DCDC2: variants seen among roughly 807,000 people sequenced by gnomAD.
The protein encoded by DCDC2 is doublecortin domain containing 2.
In DCDC2, 40 loss-of-function variants were observed where a neutral mutation model predicts 50.2. The ratio of observed to expected loss-of-function variants is 0.80; its 90% CI spans 0.62 to 1.04. The LOEUF is 1.04. DCDC2 is among the 50% of genes least tolerant of loss of function. The pLI is 0.00. For synonymous variants in DCDC2, 234 were observed against 210.6 expected, an observed-to-expected ratio of 1.11 and a Z score of -0.96; for missense variants, 570 against 581.9, an observed-to-expected ratio of 0.98 and a Z score of 0.21.
At chr6:24,301,370 CA>C (rs59055669) in intron 4 of DCDC2, among the ~76,000 whole-genome samples, 7 of 64,092 alleles carry the variant, frequency 1.1e-4, no homozygotes, top group African/African-American at 3.7e-4. Context: ...GGCTCCATCT[CA>C]AAAAAAAAAA....
chr6:24,184,793 T>C (rs373982737), intron 8 of DCDC2, among the ~76,000 whole-genome samples: 1 of 152,216 alleles, frequency 6.6e-6, no homozygotes, highest in Non-Finnish European at 1.5e-5. Flanking sequence ...TGGATAATTA[T>C]ACATCACTCT....
chr6:24,322,593 GCTAT>G (rs1399464782), intron 2 of DCDC2, among the ~76,000 whole-genome samples: 14 of 150,270 alleles, frequency 9.3e-5, no homozygotes, highest in Non-Finnish European at 1.9e-4. Flanking sequence ...TCTGAAGTCT[GCTAT>G]CTGAGAGCTT....
chr6:24,382,358 TAAGTA>T, the DCDC2 span, among the ~76,000 whole-genome samples: 1 of 152,100 alleles, frequency 6.6e-6, no homozygotes, highest in Non-Finnish European at 1.5e-5. Flanking sequence ...GCATAATCAC[TAAGTA>T]AACAGGTATA....
chr6:24,321,919 T>C (rs972166560), intron 2 of DCDC2, among the ~76,000 whole-genome samples: 5 of 152,010 alleles, frequency 3.3e-5, no homozygotes, highest in Admixed American at 6.6e-5. Flanking sequence ...GCCCTCTTTC[T>C]TGAAGACTAG....
intron 4 of DCDC2, among the ~76,000 whole-genome samples, chr6:24,295,389 T>TC (rs1294439308): frequency 1.3e-5 from 2 of 152,040 alleles, no homozygotes; most frequent in Non-Finnish European, 2.9e-5. Flanking sequence ...CTGGAAGCAT[T>TC]CCCCTTGAAA....
chr6:24,375,283 C>T, the DCDC2 span, among the ~76,000 whole-genome samples: 1 of 152,060 alleles, frequency 6.6e-6, no homozygotes, highest in South Asian at 2.1e-4. Flanking sequence ...CTTCGGGATG[C>T]GGCTGTGTCC....
At chr6:24,206,232 T>C (rs1047325767) in intron 7 of DCDC2, among the ~76,000 whole-genome samples, 2 of 152,140 alleles carry the variant, frequency 1.3e-5, no homozygotes, top group African/African-American at 4.8e-5. Context: ...ATGAATGAAA[T>C]GTGGACTGTT....
chr6:24,318,829 T>C (rs1015172659), intron 2 of DCDC2, among the ~76,000 whole-genome samples: 4 of 150,416 alleles, frequency 2.7e-5, no homozygotes, highest in Non-Finnish European at 5.9e-5. Context: ...TATCCAGTTA[T>C]CTGTTGATGG....
chr6:24,355,618 G>A (rs546951330), intron 1 of DCDC2, among the ~76,000 whole-genome samples: 3 of 152,280 alleles, frequency 2.0e-5, no homozygotes, highest in East Asian at 1.9e-4. Flanking sequence ...CAGAGCTGAT[G>A]AGCAACTCAG....
At chr6:24,190,361 T>C (rs187195941) in intron 8 of DCDC2, among the ~76,000 whole-genome samples, 6 of 152,274 alleles carry the variant, frequency 3.9e-5, no homozygotes, top group African/African-American at 1.4e-4. Flanking sequence ...CATGCGATGT[T>C]TGGTTTTTCG....
chr6:24,360,757 A>AAAG (rs10641352), upstream of DCDC2, among the ~76,000 whole-genome samples: 150,395 of 152,242 alleles, frequency 0.99, 74,303 homozygotes, highest in Middle Eastern at 1. Context: ...GTACGAATAA[A>AAAG]AAGAACTGCC....
chr6:24,179,755 C>T (rs1358186774), intron 8 of DCDC2, among the ~76,000 whole-genome samples: 1 of 149,346 alleles, frequency 6.7e-6, no homozygotes, highest in Non-Finnish European at 1.5e-5. Flanking sequence ...GAGATTGAGA[C>T]CATCCTGGCT....
chr6:24,231,972 T>G lies in DCDC2; in HGVS notation c.923-26870A>C, dbSNP rs140602109. 9.2e-3 allele frequency among the ~76,000 whole-genome samples: 1,386 copies of G among 151,370 alleles called. 11 individuals are homozygous for G. Among genetic ancestry groups the G allele is most frequent in the African/African-American group, 0.018 (734 of 41,072 alleles). On this transcript the variant is annotated intron_variant, in intron 7 of 9. Coordinates refer to ENST00000378454, the MANE Select transcript of DCDC2 (RefSeq NM_016356.5). ...TCAAAAATGACTTCAAGATAATATT[T>G]GTTGCATGACTTTAGTAATTTCATA...
intron 6 of DCDC2, among the ~76,000 whole-genome samples, chr6:24,280,195 G>A (rs1456283626): frequency 2.0e-5 from 3 of 152,142 alleles, no homozygotes; most frequent in East Asian, 1.9e-4. Flanking sequence ...TACAAATGAA[G>A]TTATTTATGC....
intron 8 of DCDC2, among the ~76,000 whole-genome samples, chr6:24,193,874 T>A (rs116442276): frequency 0.012 from 1,762 of 152,108 alleles, 36 homozygotes; most frequent in African/African-American, 0.04. Context: ...GCAAGATAAA[T>A]CCAGAATGTT....
chr6:24,202,593 A>T (rs956591145), intron 8 of DCDC2, among the ~76,000 whole-genome samples: 1 of 152,180 alleles, frequency 6.6e-6, no homozygotes, highest in Non-Finnish European at 1.5e-5. Flanking sequence ...TGCCATCTCT[A>T]ATCACTCCTA....
At chr6:24,338,358 AAAC>A (rs760479651) in intron 2 of DCDC2, among the ~76,000 whole-genome samples, 44 of 152,356 alleles carry the variant, frequency 2.9e-4, no homozygotes, top group East Asian at 2.1e-3. Context: ...CATTAAAAAA[AAAC>A]AACAACTGTA....
At chr6:24,274,518 A>G (rs1002621523) in intron 7 of DCDC2, among the ~76,000 whole-genome samples, 7 of 150,196 alleles carry the variant, frequency 4.7e-5, no homozygotes, top group Admixed American at 1.3e-4. Context: ...TTGGCTACCA[A>G]AAGAAAATGA....
intron 2 of DCDC2, among the ~76,000 whole-genome samples, chr6:24,317,359 A>C (rs192276649): frequency 1.3e-5 from 2 of 152,250 alleles, no homozygotes; most frequent in East Asian, 3.9e-4. Flanking sequence ...AATTTAGTAT[A>C]TGATGAAGTT....
Sources: gnomAD v4.1 joint callset for allele counts (sites outside exome capture counted in the v4.1 genomes callset) on GRCh38, gnomAD v4.1.1 for gene constraint, MANE v1.5 for transcripts, NCBI Gene and HGNC (gene_info 2026-07-23, HGNC 2026-07-21) for gene names.